Variants in PLCB1 observed in about 807,000 individuals in gnomAD.
The protein encoded by PLCB1 is 1-phosphatidylinositol 4,5-bisphosphate phosphodiesterase beta-1.
Under a neutral mutation model 161.8 loss-of-function variants are expected in PLCB1, and 46 were observed. That is an observed-to-expected ratio of 0.28 (90% CI 0.22 to 0.36). The LOEUF is 0.36. Ranked by LOEUF, PLCB1 falls within the 10% of genes least tolerant of loss-of-function variation. The pLI, the probability that PLCB1 is intolerant of heterozygous loss-of-function variation, is 1.00. For missense variants in PLCB1, 1,016 were observed against 1,472.5 expected, an observed-to-expected ratio of 0.69 and a Z score of 5.07; for synonymous variants, 517 against 503.7, an observed-to-expected ratio of 1.03 and a Z score of -0.35.
chr20:8,679,199 T>C (rs1990157316), intron 9 of PLCB1, among the ~76,000 whole-genome samples: 1 of 152,168 alleles, frequency 6.6e-6, no homozygotes, highest in South Asian at 2.1e-4. Context: ...AAATATGAAC[T>C]GAAAACATCT....
intron 23 of PLCB1, among the ~76,000 whole-genome samples, chr20:8,754,084 T>C (rs1254580407): frequency 6.6e-6 from 1 of 152,232 alleles, no homozygotes; most frequent in Non-Finnish European, 1.5e-5. Flanking sequence ...GTGCCCACTT[T>C]ATCCCCGACT....
At chr20:8,376,306 A>G (rs1410153507) in intron 3 of PLCB1, among the ~76,000 whole-genome samples, 1 of 152,234 alleles carries the variant, frequency 6.6e-6, no homozygotes, top group African/African-American at 2.4e-5. Context: ...GATTCTTTGT[A>G]AATATCTAGG....
intron 31 of PLCB1, among the ~76,000 whole-genome samples, chr20:8,794,435 C>T (rs1000851495): frequency 1.3e-5 from 2 of 152,206 alleles, no homozygotes; most frequent in African/African-American, 4.8e-5. Flanking sequence ...CAGCCGGTCC[C>T]TCCATATGGG....
chr20:8,806,886 C>A (rs552135223), intron 31 of PLCB1, among the ~76,000 whole-genome samples: 57 of 152,292 alleles, frequency 3.7e-4, no homozygotes, highest in African/African-American at 1.3e-3. Context: ...TTCTTTGGAA[C>A]CTGTGACAGG....
At chr20:8,337,423 G>A (rs1309778969) in intron 2 of PLCB1, among the ~76,000 whole-genome samples, 1 of 152,062 alleles carries the variant, frequency 6.6e-6, no homozygotes. Flanking sequence ...CAAAATGTGA[G>A]TTTTTATTTT....
intron 3 of PLCB1, among the ~76,000 whole-genome samples, chr20:8,431,136 CAACT>C (rs1377365764): frequency 2.0e-5 from 3 of 152,104 alleles, no homozygotes; most frequent in East Asian, 3.9e-4. Context: ...TCATCTTCTT[CAACT>C]AATTCTAAGC....
intron 2 of PLCB1, among the ~76,000 whole-genome samples, chr20:8,235,350 C>T (rs1173420310): frequency 6.6e-6 from 1 of 151,988 alleles, no homozygotes; most frequent in Non-Finnish European, 1.5e-5. Context: ...AAAAATACCA[C>T]ATAATAGAAA....
intron 2 of PLCB1, among the ~76,000 whole-genome samples, chr20:8,177,119 A>C (rs2051791573): frequency 6.7e-6 from 1 of 148,626 alleles, no homozygotes; most frequent in Non-Finnish European, 1.5e-5. Context: ...TTGTCCCCCC[A>C]AAAAATCATA....
At chr20:8,629,881 CTCTCTT>C (rs1248707990) in intron 4 of PLCB1, among the ~76,000 whole-genome samples, 31 of 117,384 alleles carry the variant, frequency 2.6e-4, no homozygotes, top group African/African-American at 5.7e-4. Context: ...TTCTTTCTCT[CTCTCTT>C]TCTTTTCTTT....
At chr20:8,294,965 C>A (rs1983564289) in intron 2 of PLCB1, among the ~76,000 whole-genome samples, 1 of 152,036 alleles carries the variant, frequency 6.6e-6, no homozygotes, top group South Asian at 2.1e-4. Context: ...CTACATGCAG[C>A]AACATCTTGA....
At chr20:8,869,514 G>A (rs1247391807) in intron 31 of PLCB1, among the ~76,000 whole-genome samples, 1 of 152,128 alleles carries the variant, frequency 6.6e-6, no homozygotes, top group African/African-American at 2.4e-5. Context: ...AGTGGCTTGG[G>A]TATGTATATA....
At chr20:8,336,054 G>T (rs767378568) in intron 2 of PLCB1, among the ~76,000 whole-genome samples, 1 of 152,138 alleles carries the variant, frequency 6.6e-6, no homozygotes, top group Non-Finnish European at 1.5e-5. Context: ...CTTTAGCCTG[G>T]AGAAAAGTAG....
intron 6 of PLCB1, among the ~76,000 whole-genome samples, chr20:8,648,183 A>G (rs927855833): frequency 5.9e-5 from 9 of 152,162 alleles, no homozygotes; most frequent in Admixed American, 4.6e-4. Flanking sequence ...CAAAGCAGGA[A>G]GTGGGTGGAG....
intron 2 of PLCB1, among the ~76,000 whole-genome samples, chr20:8,343,515 C>G (rs1052990159): frequency 6.6e-6 from 1 of 152,070 alleles, no homozygotes; most frequent in Non-Finnish European, 1.5e-5. Context: ...TCTCTGTCAC[C>G]TGTACTTCAT....
intron 26 of PLCB1, 108 bp downstream of exon 26, chr20:8,765,466 C>A: frequency 1.3e-6 from 1 of 758,744 alleles, no homozygotes; most frequent in Non-Finnish European, 2.1e-6. Context: ...GCAAGAAAAC[C>A]ACCTAACCTC....
chr20:8,584,836 G>A lies in PLCB1; in HGVS notation c.247-43458G>A, dbSNP rs924030931. On this transcript the variant is annotated intron_variant, in intron 3 of 31. Transcript: ENST00000338037. Reference sequence around the variant, plus strand: ...CTCCTTAGTAGCTGGGACTATAGGCGCCCGCCACCACACCTGACTAATTTT... The same window carrying A: ...CTCCTTAGTAGCTGGGACTATAGGCACCCGCCACCACACCTGACTAATTTT... Among the ~76,000 whole-genome samples the A allele has an allele frequency of 9.9e-5, 15 of 152,036 alleles. No individual in the cohort carries two copies. The East Asian group carries it at 1.6e-3, about 16-fold the overall frequency.
intron 2 of PLCB1, among the ~76,000 whole-genome samples, chr20:8,264,572 C>T (rs185579738): frequency 5.3e-5 from 8 of 152,164 alleles, no homozygotes; most frequent in East Asian, 3.9e-4. Context: ...ATACCATAAA[C>T]GCATGAGTGA....
At chr20:8,152,103 A>G (rs1453879777) in intron 2 of PLCB1, among the ~76,000 whole-genome samples, 2 of 152,166 alleles carry the variant, frequency 1.3e-5, no homozygotes, top group African/African-American at 4.8e-5. Flanking sequence ...TGTGGTAGCA[A>G]TTCCTTTTAT....
At position 8,591,395 on chromosome 20, in the gene PLCB1, A is replaced by C. The variant is rs1354190833; in HGVS notation, c.247-36899A>C. ...GTAGATAATAAGCAAAAGAAGCCAA[A>C]AAAACTTCTGTGTGTCCTGCAACAC... On this transcript the variant is annotated intron_variant, in intron 3 of 31. Coordinates refer to ENST00000338037, the MANE Select transcript of PLCB1 (RefSeq NM_015192.4). Among the ~76,000 whole-genome samples, 6 of 152,338 alleles carry C rather than the reference A, an allele frequency of 3.9e-5. No homozygotes were observed. In the South Asian group the frequency reaches 8.3e-4, roughly 21 times the overall value.
Sources: allele counts gnomAD v4.1 joint callset (sites outside exome capture counted in the v4.1 genomes callset), GRCh38; gene constraint gnomAD v4.1.1; transcripts MANE v1.5; gene names NCBI Gene and HGNC (gene_info 2026-07-23, HGNC 2026-07-21).